The following TCN2 variants were observed in gnomAD, a reference collection of about 807,000 sequenced individuals.
The protein encoded by TCN2 is transcobalamin 2, also known as transcobalamin-2.
TCN2 carries 34 observed loss-of-function variants against 48.6 expected under a neutral mutation model. The ratio of observed to expected loss-of-function variants is 0.70; its 90% confidence interval spans 0.53 to 0.93. The LOEUF is 0.93. Among genes scored for constraint, TCN2 ranks in the 40% least tolerant of loss-of-function variants. The probability of loss-of-function intolerance (pLI) is 0.00; values close to 1 mark genes in which losing one functional copy is unlikely to be tolerated. For missense variants in TCN2, 652 were observed against 526.1 expected, an observed-to-expected ratio of 1.24 and a Z score of -2.34; for synonymous variants, 283 against 212.5, an observed-to-expected ratio of 1.33 and a Z score of -2.89.
chr22:30,625,487 G>C (rs2087793758), intron 8 of TCN2, among the ~76,000 whole-genome samples: 1 of 151,596 alleles, frequency 6.6e-6, no homozygotes, highest in Non-Finnish European at 1.5e-5. Flanking sequence ...TTTTGAGATG[G>C]GGGTCTCACT....
chr22:30,622,654 T>C (rs1242500123), intron 7 of TCN2, among the ~76,000 whole-genome samples: 1 of 152,174 alleles, frequency 6.6e-6, no homozygotes, highest in Non-Finnish European at 1.5e-5. Flanking sequence ...CTTCTGATTC[T>C]CATCCCCCAT....
rs1343250509 is a variant in TCN2 at position 30,623,945 on chromosome 22, CACAT to C, written c.1222+864_1222+867del. Among the ~76,000 whole-genome samples, 2 of 32,006 alleles carry C rather than the reference CACAT, an allele frequency of 6.2e-5. 1 individual carries two copies. The highest frequency in any genetic ancestry group is 1.1e-3 in the South Asian group (2 of 1,896). The allele number at this position is 32,006 out of a possible 152,430, so 21.0% of individuals were successfully genotyped here. A position where few individuals can be genotyped will look rare whatever the true frequency, so the allele number is the denominator to read the frequency against. Reference sequence around the variant, plus strand: ...ATATATGTATACATATATACACACACACATATGTATACATATATACACACACATA... The same window carrying C: ...ATATATGTATACATATATACACACACATGTATACATATATACACACACATA... On this transcript the variant is annotated intron_variant, in intron 8 of 8. Coordinates refer to ENST00000215838, the MANE Select transcript of TCN2 (RefSeq NM_000355.4).
chr22:30,623,965 C>CACACACACATATGTATATATAT (rs1602057159), intron 8 of TCN2, among the ~76,000 whole-genome samples: 273 of 18,550 alleles, frequency 0.015, 79 homozygotes, highest in Non-Finnish European at 0.019. Flanking sequence ...TACATATATA[C>CACACACACATATGTATATATAT]ACACACATAT....
At chr22:30,608,402 TG>T (rs1404524094) in intron 1 of TCN2, among the ~76,000 whole-genome samples, 5 of 152,202 alleles carry the variant, frequency 3.3e-5, no homozygotes, top group Non-Finnish European at 7.3e-5. Context: ...TTTTGTTTTT[TG>T]TTGAGAGAGG....
At chr22:30,616,636 AC>A (rs2087616400) in intron 6 of TCN2, among the ~76,000 whole-genome samples, 1 of 152,104 alleles carries the variant, frequency 6.6e-6, no homozygotes, top group African/African-American at 2.4e-5. Context: ...CCCTGTCTTT[AC>A]TAAAATACGA....
rs200986899 is a variant in TCN2, at chr22:30,623,809, T to C, written c.1222+726T>C. On this transcript the variant is annotated intron_variant, in intron 8 of 8. Coordinates refer to ENST00000215838, the MANE Select transcript of TCN2 (RefSeq NM_000355.4). Reference sequence around the variant, plus strand: ...GTATACATATATACACACATACACATATATACACACACATACACACACATA... The same window carrying C: ...GTATACATATATACACACATACACACATATACACACACATACACACACATA... 1.9e-3 allele frequency among the ~76,000 whole-genome samples: 122 copies of C among 63,174 alleles called. 40 individuals are homozygous for C. The highest frequency in any genetic ancestry group is 9.2e-3 in the East Asian group (24 of 2,602). The allele number at this position is 63,174 out of a possible 152,430, so 41.4% of individuals were successfully genotyped here.
Position 30,622,985 on chromosome 22 carries a change from C to G in TCN2, c.1124C>G (p.Ser375Cys). 6.2e-7 allele frequency: 1 copy of G among 1,614,140 alleles called. No individual in the cohort carries two copies. Among genetic ancestry groups the G allele is most frequent in the Non-Finnish European group, 8.5e-7 (1 of 1,180,032 alleles). ...TTCTGTAGATATGAAACACAGGCCT[C>G]CTTGTCAGGCCCCTACTTAACCTCC... ...LGGFTYETQASLSGPYLTSVM... is the reference protein window; with the variant it reads ...LGGFTYETQACLSGPYLTSVM... Residue 375 changes from serine (S) to cysteine (C), a missense_variant, in exon 8 of 9, where the codon TCC (serine) becomes TGC (cysteine). Coordinates refer to ENST00000215838, the MANE Select transcript of TCN2 (RefSeq NM_000355.4).
intron 6 of TCN2, 63 bp downstream of exon 6, chr22:30,615,850 A>G (rs919012641): frequency 1.3e-6 from 2 of 1,597,646 alleles, no homozygotes; most frequent in African/African-American, 2.7e-5. Flanking sequence ...TTGACGTCCC[A>G]GTGAGGGGAG....
chr22:30,609,159 CT>C lies in TCN2; in HGVS notation c.65-1698del, dbSNP rs949674610. The stretch of plus-strand genomic sequence containing the variant: ...TGTGCTTCCTTTTCTCTTTCTTCTT[CT>C]TTTTTTTTTTTTTAATTTTCTTCTA... On this transcript the variant is annotated intron_variant, in intron 1 of 8. Coordinates refer to ENST00000215838, the MANE Select transcript of TCN2 (RefSeq NM_000355.4). Among the ~76,000 whole-genome samples the C allele has an allele frequency of 4.4e-3, 634 of 142,608 alleles. 1 individual carries two copies. The highest frequency in any genetic ancestry group is 5.6e-3 in the Admixed American group (79 of 14,170). 93.6% of individuals were successfully genotyped at this position (142,608 alleles called of 152,430 possible). A position where few individuals can be genotyped will look rare whatever the true frequency, so the allele number is the denominator to read the frequency against.
rs369722707 is a variant in TCN2, at chr22:30,623,028, C to T, written c.1167C>T (p.Ala389=). The part of the protein sequence containing the change: ...PYLTSVMGKA[A]GEREFWQLLR... ...TAACCTCCGTGATGGGGAAAGCGGC[C>T]GGAGAAAGGGAGTTCTGGCAGCTTC... The change falls in exon 8 of 9, where the codon GCC becomes GCT. Residue 389 remains alanine (A), a synonymous_variant. Transcript: ENST00000215838. 20 of 1,613,900 alleles carry T rather than the reference C, an allele frequency of 1.2e-5. No homozygotes were observed. The highest frequency in any genetic ancestry group is 4.4e-5 in the South Asian group (4 of 91,076).
chr22:30,625,885 G>T (rs1461527799), intron 8 of TCN2, among the ~76,000 whole-genome samples: 1 of 152,110 alleles, frequency 6.6e-6, no homozygotes, highest in Non-Finnish European at 1.5e-5. Context: ...TATACATTTT[G>T]GGGGGACACA....
At chr22:30,620,310 C>T (rs2145552890) in intron 7 of TCN2, among the ~76,000 whole-genome samples, 1 of 152,218 alleles carries the variant, frequency 6.6e-6, no homozygotes, top group Admixed American at 6.5e-5. Context: ...AAAGTCCTTT[C>T]TCTTTCTAGC....
intron 4 of TCN2, 77 bp downstream of exon 4, chr22:30,614,578 C>G: frequency 1.9e-6 from 3 of 1,584,900 alleles, no homozygotes; most frequent in Admixed American, 1.7e-5. Context: ...CCTCCATACC[C>G]TGGCCCCCAC....
intron 8 of TCN2, 90 bp from the exon 9 acceptor site, chr22:30,626,370 C>T (rs1602059468): frequency 1.4e-6 from 2 of 1,399,320 alleles, no homozygotes; most frequent in Non-Finnish European, 2.0e-6. Flanking sequence ...CTTACAGACT[C>T]TAGCCTCAGG....
rs149477419 is a variant in TCN2 at position 30,611,276 on chromosome 22, C to T, written c.257+213C>T. ...GCAAGGCTCCTTTTGCTACTACTGT[C>T]CATCATGTGTCTGAGGCAGACATAA... is the stretch of plus-strand genomic sequence containing the variant. On this transcript the variant is annotated intron_variant, in intron 2 of 8. Coordinates refer to ENST00000215838, the MANE Select transcript of TCN2 (RefSeq NM_000355.4). Among the ~76,000 whole-genome samples, 9 of 152,312 alleles carry T rather than the reference C, an allele frequency of 5.9e-5. No homozygotes were observed. In the East Asian group the frequency reaches 1.7e-3, roughly 29 times the overall value.
rs1237571997 is a variant in TCN2 at position 30,617,473 on chromosome 22, G to C, written c.1084G>C (p.Ala362Pro). Residue 362 changes from alanine (A) to proline (P), a missense_variant, in exon 7 of 9, where the codon GCC (alanine) becomes CCC (proline). Physicochemically the swap from Ala to Pro is conservative, Grantham distance 27. Transcript: ENST00000215838. ...GSTVEDVLKKAHELGGFTYET... is the reference protein window; with the variant it reads ...GSTVEDVLKKPHELGGFTYET... The stretch of plus-strand genomic sequence containing the variant: ...CACCGTGGAAGATGTCCTGAAGAAG[G>C]CCCATGAGTTAGGAGGATTCACGTG... 7 of 1,614,040 alleles carry C rather than the reference G, an allele frequency of 4.3e-6. No homozygotes were observed. Among genetic ancestry groups the C allele is most frequent in the Non-Finnish European group, 5.9e-6 (7 of 1,180,040 alleles).
Position 30,620,465 on chromosome 22 carries a change from A to G in TCN2, c.1107-2503A>G, listed in dbSNP as rs76190736. Among the ~76,000 whole-genome samples, 154 of 152,198 alleles carry G rather than the reference A, an allele frequency of 1.0e-3. 1 individual carries two copies. Among genetic ancestry groups the G allele is most frequent in the African/African-American group, 3.6e-3 (151 of 41,512 alleles). ...ATTCAAGCTGCAGTGAAGCCTGGGC[A>G]CTCCTGGCCTGGCTCAGCCACTTCA... is the stretch of plus-strand genomic sequence containing the variant. On this transcript the variant is annotated intron_variant, in intron 7 of 8. Coordinates refer to ENST00000215838, the MANE Select transcript of TCN2 (RefSeq NM_000355.4).
chr22:30,621,159 G>C (rs1285719162), intron 7 of TCN2, among the ~76,000 whole-genome samples: 1 of 151,940 alleles, frequency 6.6e-6, no homozygotes, highest in Non-Finnish European at 1.5e-5. Flanking sequence ...CACCTGGCTA[G>C]TTTTTGTATT....
chr22:30,626,911 C>G lies in TCN2; in HGVS notation c.*390C>G, dbSNP rs948282571. The G allele has an allele frequency of 2.9e-6, 1 of 343,768 alleles. No individual in the cohort carries two copies. The highest frequency in any genetic ancestry group is 2.7e-5 in the South Asian group (1 of 37,522). 21.3% of individuals were successfully genotyped at this position (343,768 alleles called of 1,614,324 possible). On this transcript the variant is annotated 3_prime_UTR_variant, in exon 9 of 9. Transcript: ENST00000215838. ...GTCCTGCAAGAAGGCCTCCTCAGCC[C>G]GGGGGCTATGGCCCTGACCCCAGCT...
Sources: allele counts gnomAD v4.1 joint callset (sites outside exome capture counted in the v4.1 genomes callset), GRCh38; gene constraint gnomAD v4.1.1; transcripts MANE v1.5; gene names NCBI Gene and HGNC (gene_info 2026-07-23, HGNC 2026-07-21).